The following SMG5 variants were observed in gnomAD, a reference collection of about 807,000 sequenced individuals.
The protein encoded by SMG5 is nonsense-mediated mRNA decay factor SMG5.
Under a neutral mutation model 122.9 loss-of-function variants are expected in SMG5, and 53 were observed. The ratio of observed to expected loss-of-function variants is 0.43; its 90% CI spans 0.35 to 0.54. The LOEUF (loss-of-function observed/expected upper bound fraction) is 0.54. SMG5 is among the 20% of genes least tolerant of loss of function. The probability of loss-of-function intolerance (pLI) is 0.01; values close to 1 mark genes in which losing one functional copy is unlikely to be tolerated. For synonymous variants in SMG5, 477 were observed against 490.2 expected (o/e 0.97, Z 0.35); for missense variants, 1,153 against 1,285.6 (o/e 0.90, Z 1.58).
At chr1:156,254,415 A>G (rs1661485577) in intron 16 of SMG5, among the ~76,000 whole-genome samples, 1 of 152,176 alleles carries the variant, frequency 6.6e-6, no homozygotes, top group South Asian at 2.1e-4. Flanking sequence ...CCTGTAAGAT[A>G]TGGGGAGCCA....
chr1:156,265,712 G>A lies in SMG5; in HGVS notation c.1855+69C>T, dbSNP rs541423495. The A allele has an allele frequency of 1.2e-4, 185 of 1,551,662 alleles. No homozygotes were observed. The African/African-American group carries it at 1.9e-3, about 16-fold the overall frequency. On this transcript the variant is annotated intron_variant, in intron 12 of 21. Coordinates refer to ENST00000361813, the MANE Select transcript of SMG5 (RefSeq NM_015327.3). ...AGGTCATTCACACAGATAGGAAAGC[G>A]GCCTCTCTGGTGAGTGTCTATGGCA...
In SMG5 at chr1:156,251,480, G is replaced by A; in HGVS notation, c.2754-3C>T. 1 of 1,613,954 alleles carries A rather than the reference G, an allele frequency of 6.2e-7. No individual in the cohort carries two copies. Among genetic ancestry groups the A allele is most frequent in the Non-Finnish European group, 8.5e-7 (1 of 1,179,994 alleles). Reference sequence around the variant, plus strand: ...CCTCTTTCTGGCAGCGAATGTACCTGCAGAGGAGATGTGCGAGTGGAGGTC... The same window carrying A: ...CCTCTTTCTGGCAGCGAATGTACCTACAGAGGAGATGTGCGAGTGGAGGTC... On this transcript the variant is annotated splice_region_variant and splice_polypyrimidine_tract_variant and intron_variant, in intron 19 of 21. Transcript: ENST00000361813.
intron 4 of SMG5, among the ~76,000 whole-genome samples, chr1:156,276,153 G>A (rs1352913813): frequency 7.5e-6 from 1 of 133,840 alleles, no homozygotes; most frequent in African/African-American, 2.8e-5. Flanking sequence ...TTGAGACAGA[G>A]TCTCACTCTG....
At chr1:156,280,375 G>A (rs71630621) in intron 1 of SMG5, among the ~76,000 whole-genome samples, 1,643 of 152,338 alleles carry the variant, frequency 0.011, 21 homozygotes, top group Non-Finnish European at 0.016. Context: ...TGGTGGTGGT[G>A]GCTCAGGAGG....
Position 156,266,088 on chromosome 1 carries a change from C to A in SMG5, c.1548G>T (p.Met516Ile). The A allele has an allele frequency of 6.2e-7, 1 of 1,614,198 alleles. No individual in the cohort carries two copies. The highest frequency in any genetic ancestry group is 8.5e-7 in the Non-Finnish European group (1 of 1,180,040). The change falls in exon 12 of 22, where the codon ATG becomes ATT. Residue 516 changes from methionine (M) to isoleucine (I), a missense_variant. Met to Ile is a conservative substitution (Grantham distance 10). Around this residue, in one of 5 missense-constraint regions of SMG5, gnomAD observed 631 missense variants for 650.6 expected, o/e 0.97. Transcript: ENST00000361813. ...AGTCTGATCGGGACTCCTGGCTATT[C>A]ATTTCCGAGTCTGTTTCAGCATCAA... is the stretch of plus-strand genomic sequence containing the variant. ...TAFDAETDSEMNSQESRSDLE... is the reference protein window; with the variant it reads ...TAFDAETDSEINSQESRSDLE...
Position 156,252,447 on chromosome 1 carries a change from C to T in SMG5, c.2720G>A (p.Arg907Gln). 1 of 1,613,974 alleles carries T rather than the reference C, an allele frequency of 6.2e-7. No homozygotes were observed. Among genetic ancestry groups the T allele is most frequent in the Non-Finnish European group, 8.5e-7 (1 of 1,179,990 alleles). Residue 907 changes from arginine (R) to glutamine (Q), a missense_variant, in exon 19 of 22, where the codon CGG (arginine) becomes CAG (glutamine). Arg to Gln is a conservative substitution (Grantham distance 43). Transcript: ENST00000361813. The stretch of plus-strand genomic sequence containing the variant: ...TTTTTTAAACTCTGCCTCCAGGTAC[C>T]GAATCCCATCCCGGGCCCCTGGGTG... ...KEHPGARDGI[R>Q]YLEAEFKKGN... is the part of the protein sequence containing the mutation.
rs772839600 is a variant in SMG5, at chr1:156,250,499, G to A, written c.*88C>T. 1.0e-5 allele frequency: 12 copies of A among 1,148,680 alleles called. No homozygotes were observed. The East Asian group carries it at 1.2e-4, about 11-fold the overall frequency. 71.2% of individuals were successfully genotyped at this position (1,148,680 alleles called of 1,614,324 possible). ...GTGTGCGTGCATGAGTCTGCGTGTG[G>A]TGGGGTGACTACAGGTGCTGGTCCT... On this transcript the variant is annotated 3_prime_UTR_variant, in exon 22 of 22. Transcript: ENST00000361813.
chr1:156,281,100 C>T lies in SMG5; in HGVS notation c.74+1507G>A, dbSNP rs147745431. Among the ~76,000 whole-genome samples the T allele has an allele frequency of 2.0e-4, 30 of 152,312 alleles. No individual in the cohort carries two copies. The East Asian group carries it at 4.8e-3, about 24-fold the overall frequency. On this transcript the variant is annotated intron_variant, in intron 1 of 21. Coordinates refer to ENST00000361813, the MANE Select transcript of SMG5 (RefSeq NM_015327.3). ...TTGAGCAGAGAAATCAGACTTTCCT[C>T]CTAGTTCCTTCCACTGATCACCACT...
Position 156,277,224 on chromosome 1 carries a change from G to A in SMG5, c.315C>T (p.Ser105=), listed in dbSNP as rs559826953. The change falls in exon 4 of 22, where the codon AGC becomes AGT. Residue 105 remains serine, a synonymous_variant. Coordinates refer to ENST00000361813, the MANE Select transcript of SMG5 (RefSeq NM_015327.3). The part of the protein sequence containing the change: ...KTNKKHIHSR[S]TLECAYRTHL... ...GCGTCCTGTAGGCACATTCCAAAGT[G>A]CTCCGGCTGTGGATGTGCTACAGAT... 309 of 1,613,400 alleles carry A rather than the reference G, an allele frequency of 1.9e-4. 7 individuals are homozygous for A. In the South Asian group the frequency reaches 3.3e-3, roughly 17 times the overall value.
intron 7 of SMG5, among the ~76,000 whole-genome samples, chr1:156,272,000 C>A (rs1662459854): frequency 6.6e-6 from 1 of 152,190 alleles, no homozygotes; most frequent in South Asian, 2.1e-4. Context: ...CTCCAGAATT[C>A]TCATGCTCTT....
the SMG5 span, chr1:156,291,497 G>C: frequency 2.5e-6 from 4 of 1,612,804 alleles, no homozygotes; most frequent in Non-Finnish European, 3.4e-6. Flanking sequence ...CTACATGTTC[G>C]TGGTGGAGCC....
upstream of SMG5, chr1:156,285,767 C>G: frequency 6.2e-7 from 1 of 1,613,278 alleles, no homozygotes; most frequent in Non-Finnish European, 8.5e-7. Context: ...AGTGGTGAGG[C>G]CGCCTGGCTG....
intron 10 of SMG5, 137 bp from the exon 11 acceptor site, chr1:156,266,815 T>G (rs1281904251): frequency 8.7e-7 from 1 of 1,155,938 alleles, no homozygotes; most frequent in Non-Finnish European, 1.2e-6. Context: ...TTTTTTTTTT[T>G]TTAACTTTTT....
Position 156,266,521 on chromosome 1 carries a change from G to A in SMG5, c.1255+20C>T. On this transcript the variant is annotated intron_variant, in intron 11 of 21. Coordinates refer to ENST00000361813, the MANE Select transcript of SMG5 (RefSeq NM_015327.3). ...CCCACACCAACCTTTCCATAGTGAT[G>A]ACCTCCCCGATTCTCCCACCTGTGC... 2.5e-6 allele frequency: 4 copies of A among 1,613,968 alleles called. No individual in the cohort carries two copies. In the South Asian group the frequency reaches 4.4e-5, roughly 18 times the overall value.
At position 156,263,459 on chromosome 1, in the gene SMG5, G is replaced by A; in HGVS notation, c.1967C>T (p.Pro656Leu). The change falls in exon 13 of 22, where the codon CCT (proline) becomes CTT (leucine). Residue 656 changes from proline to leucine, a missense_variant. Physicochemically the swap from Pro to Leu is moderately conservative, Grantham distance 98 (BLOSUM62 -3). Coordinates refer to ENST00000361813, the MANE Select transcript of SMG5 (RefSeq NM_015327.3). Reference sequence around the variant, plus strand: ...CCAGTCCAGGAAGACTTTCACAGCAGGAAGCAGACCTTCGGCCATCAGGAC... The same window carrying A: ...CCAGTCCAGGAAGACTTTCACAGCAAGAAGCAGACCTTCGGCCATCAGGAC... ...LQVLMAEGLL[P>L]AVKVFLDWLR... is the part of the protein sequence containing the mutation. 1 of 1,614,244 alleles carries A rather than the reference G, an allele frequency of 6.2e-7. No homozygotes were observed. Among genetic ancestry groups the A allele is most frequent in the Non-Finnish European group, 8.5e-7 (1 of 1,180,050 alleles).
At chr1:156,288,128 T>C in the SMG5 span, among the ~76,000 whole-genome samples, 9 of 144,732 alleles carry the variant, frequency 6.2e-5, no homozygotes, top group Non-Finnish European at 1.0e-4. Flanking sequence ...GGCAGGAGAA[T>C]GGCGTGAACC....
chr1:156,263,615 C>G, intron 12 of SMG5, 45 bp from the exon 13 acceptor site: 1 of 1,594,070 alleles, frequency 6.3e-7, no homozygotes, highest in Non-Finnish European at 8.6e-7. Flanking sequence ...GGATAAACAA[C>G]TGACACTTGG....
intron 9 of SMG5, 133 bp from the exon 10 acceptor site, chr1:156,267,811 A>G (rs894129934): frequency 1.2e-5 from 10 of 801,186 alleles, no homozygotes; most frequent in South Asian, 1.8e-5. Flanking sequence ...AGGGAAGGGT[A>G]GTGCTGGATT....
At chr1:156,285,626 C>T (rs986911241), upstream of SMG5, 1 of 1,614,180 alleles carries the variant, frequency 6.2e-7, no homozygotes. Context: ...GCCTATTGAC[C>T]TACAGTGCAT....
Sources: gnomAD v4.1 joint callset for allele counts (sites outside exome capture counted in the v4.1 genomes callset) on GRCh38, gnomAD v4.1.1 for gene constraint, gnomAD v4.1.1 regional missense constraint, MANE v1.5 for transcripts, NCBI Gene and HGNC (gene_info 2026-07-23, HGNC 2026-07-21) for gene names.